TCF20: variants seen among roughly 807,000 people sequenced by gnomAD.
TCF20 encodes the protein SPRE-binding protein.
A neutral mutation model predicts 148.6 loss-of-function variants in TCF20; 3 were observed. The observed-to-expected ratio is 0.02, with a 90% confidence interval of 0.01 to 0.05. TCF20 has a LOEUF of 0.05. Ranked by LOEUF, TCF20 falls within the 10% of genes least tolerant of loss-of-function variation. TCF20 has a pLI of 1.00. For missense variants in TCF20, 2,350 were observed against 2,429.3 expected, an observed-to-expected ratio of 0.97 and a Z score of 0.69; for synonymous variants, 1,049 against 909.5, an observed-to-expected ratio of 1.15 and a Z score of -2.76.
chr22:42,190,561 C>T (rs919177430), intron 2 of TCF20, among the ~76,000 whole-genome samples: 3 of 152,106 alleles, frequency 2.0e-5, no homozygotes, highest in Non-Finnish European at 4.4e-5. Flanking sequence ...ATGGATGGTC[C>T]CTTGAAACTA....
chr22:42,238,979 G>GGGCA (rs1418616985), intron 1 of TCF20, among the ~76,000 whole-genome samples: 22 of 152,046 alleles, frequency 1.4e-4, no homozygotes, highest in Non-Finnish European at 2.9e-4. Context: ...TTAGCCAGGT[G>GGGCA]TGATGGCGGG....
intron 2 of TCF20, among the ~76,000 whole-genome samples, chr22:42,182,362 G>C (rs963551437): frequency 6.6e-6 from 1 of 152,218 alleles, no homozygotes; most frequent in Non-Finnish European, 1.5e-5. Flanking sequence ...TGGGTCAAAA[G>C]TGCTAAGTAA....
At chr22:42,200,683 A>G (rs187869132) in intron 2 of TCF20, among the ~76,000 whole-genome samples, 1 of 149,858 alleles carries the variant, frequency 6.7e-6, no homozygotes, top group Admixed American at 6.7e-5. Context: ...TTGAATCCCT[A>G]AAACGTTTCT....
intron 5 of TCF20, among the ~76,000 whole-genome samples, chr22:42,165,085 T>C (rs1056317233): frequency 6.6e-6 from 1 of 152,154 alleles, no homozygotes; most frequent in Admixed American, 6.5e-5. Flanking sequence ...GCGGGCACTA[T>C]AGCAGCCACA....
Position 42,213,427 on chromosome 22 carries a change from A to G in TCF20, c.1879T>C (p.Ser627Pro), listed in dbSNP as rs1466044386. 1.9e-6 allele frequency: 3 copies of G among 1,613,876 alleles called. No individual in the cohort carries two copies. The highest frequency in any genetic ancestry group is 2.7e-5 in the African/African-American group (2 of 74,906). Residue 627 changes from serine to proline, a missense_variant, in exon 2 of 6, where the codon TCC becomes CCC. By Grantham distance (74) the Ser-to-Pro change is moderately conservative. Transcript: ENST00000677622. ...GTGGCTGCAGGATCATCCTCTTGGG[A>G]GCCTTTATCTTGTCCACCAGGCTTT... ...VEKPGGQDKG[S>P]QEDDPAATQR...
In TCF20 at chr22:42,198,616, CAAG is replaced by C. The variant is rs554967061; in HGVS notation, c.5655+11032_5655+11034del. On this transcript the variant is annotated intron_variant, in intron 2 of 5. Coordinates refer to ENST00000677622, the MANE Select transcript of TCF20 (RefSeq NM_001378418.1). The stretch of plus-strand genomic sequence containing the variant: ...TACTTTCTCATTTAGAGAATAATGA[CAAG>C]AAGAAAAAAGTCTGTATATATTCAG... Among the ~76,000 whole-genome samples the C allele has an allele frequency of 1.5e-3, 219 of 149,740 alleles. 2 individuals carry two copies. Among genetic ancestry groups the C allele is most frequent in the East Asian group, 5.9e-4 (3 of 5,120 alleles).
chr22:42,192,676 C>A (rs1937394976), intron 2 of TCF20, among the ~76,000 whole-genome samples: 1 of 152,178 alleles, frequency 6.6e-6, no homozygotes, highest in Admixed American at 6.5e-5. Flanking sequence ...TAAGCCAGCC[C>A]CTGCCACCTC....
In TCF20 at chr22:42,210,081, G is replaced by A. The variant is rs755091932; in HGVS notation, c.5225C>T (p.Ala1742Val). The change falls in exon 2 of 6, where the codon GCC becomes GTC. Residue 1742 changes from alanine (A) to valine (V), a missense_variant. This residue lies in a region of TCF20 where 374 missense variants were observed against 398.3 expected (regional missense o/e 0.94). Transcript: ENST00000677622. This position sits in a 1 kb window ranked among gnomAD's most constrained non-coding sequence, Gnocchi z 4.7. ...TLPKNPPPKR[A>V]TEMQSKVKVR... ...CTTAACTTTGCTCTGCATTTCTGTG[G>A]CCCTCTTAGGAGGTGGATTCTTCGG... 6.2e-7 allele frequency: 1 copy of A among 1,613,834 alleles called. No individual in the cohort carries two copies. Among genetic ancestry groups the A allele is most frequent in the Non-Finnish European group, 8.5e-7 (1 of 1,180,028 alleles).
chr22:42,233,412 G>A (rs1923607437), intron 1 of TCF20, among the ~76,000 whole-genome samples: 3 of 152,160 alleles, frequency 2.0e-5, no homozygotes, highest in Admixed American at 2.0e-4. Context: ...GCAATGTTCT[G>A]TGTATTCCCA....
chr22:42,331,760 C>A lies in TCF20; in HGVS notation c.-37+11719G>T, dbSNP rs960812074. On this transcript the variant is annotated intron_variant, in intron 1 of 1. Transcript: ENST00000515426. ...CTTGTAGTCTATGGTCACTACCCTG[C>A]GCAGCTGGGCTGTAAGCCAGCCCAC... Among the ~76,000 whole-genome samples the A allele has an allele frequency of 2.0e-5, 3 of 152,254 alleles. No individual in the cohort carries two copies. The South Asian group carries it at 6.2e-4, about 31-fold the overall frequency.
chr22:42,282,871 A>G (rs1475038326), intron 1 of TCF20, among the ~76,000 whole-genome samples: 1 of 147,444 alleles, frequency 6.8e-6, no homozygotes, highest in Non-Finnish European at 1.5e-5. Flanking sequence ...AGCACACGCC[A>G]GATAGAAAAA....
chr22:42,288,971 G>A (rs1372871190), upstream of TCF20, among the ~76,000 whole-genome samples: 1 of 152,140 alleles, frequency 6.6e-6, no homozygotes, highest in South Asian at 2.1e-4. Context: ...TCTGCACCTC[G>A]GTTTCCTTGC....
chr22:42,273,834 C>T (rs1926708100), upstream of TCF20: 1 of 152,600 alleles, frequency 6.6e-6, no homozygotes, highest in African/African-American at 2.4e-5. Context: ...ACAAACTCCT[C>T]TGCCCTCCTC....
rs1246663340 is a variant in TCF20, at chr22:42,297,356, G to C, written c.-37+46123C>G. 6.6e-6 allele frequency among the ~76,000 whole-genome samples: 1 copy of C among 152,230 alleles called. No individual in the cohort carries two copies. Among genetic ancestry groups the C allele is most frequent in the Admixed American group, 6.5e-5 (1 of 15,284 alleles). The stretch of plus-strand genomic sequence containing the variant: ...GGCTTAAGGGTTGGTCATATTCATG[G>C]AGCGGCAAGAATGAGGAGTGGGTCC... On this transcript the variant is annotated intron_variant, in intron 1 of 1. Transcript: ENST00000515426. This position sits in a 1 kb window ranked among gnomAD's most constrained non-coding sequence, Gnocchi z 4.3.
Position 42,213,803 on chromosome 22 carries a change from A to G in TCF20, c.1503T>C (p.Ser501=). ...GTTCTTCAGGTTGTGAGGAGCCTTCAGAATTTGTGCAGCTATCTGCTTTCT... is the reference window on the plus strand; with the variant it reads ...GTTCTTCAGGTTGTGAGGAGCCTTCGGAATTTGTGCAGCTATCTGCTTTCT... The part of the protein sequence containing the change: ...SSKKADSCTN[S]EGSSQPEEQL... The change falls in exon 2 of 6, where the codon TCT becomes TCC. Residue 501 remains serine, a synonymous_variant. Transcript: ENST00000677622. 6.2e-7 allele frequency: 1 copy of G among 1,614,180 alleles called. No individual in the cohort carries two copies. The highest frequency in any genetic ancestry group is 8.5e-7 in the Non-Finnish European group (1 of 1,180,038).
Position 42,212,013 on chromosome 22 carries a change from T to C in TCF20, c.3293A>G (p.Lys1098Arg). The C allele has an allele frequency of 1.2e-6, 2 of 1,614,226 alleles. No individual in the cohort carries two copies. The highest frequency in any genetic ancestry group is 1.7e-6 in the Non-Finnish European group (2 of 1,180,046). ...QMYQQQPEEYKDWSSGSAQGV... is the reference protein window; with the variant it reads ...QMYQQQPEEYRDWSSGSAQGV... Reference sequence around the variant, plus strand: ...CTGAGCAGAACCGCTGCTCCAGTCTTTATACTCCTCTGGTTGCTGTTGGTA... The same window carrying C: ...CTGAGCAGAACCGCTGCTCCAGTCTCTATACTCCTCTGGTTGCTGTTGGTA... Residue 1098 changes from lysine to arginine, a missense_variant, in exon 2 of 6, where the codon AAA (lysine) becomes AGA (arginine). Lys to Arg is a conservative substitution (Grantham distance 26). This residue lies in a region of TCF20 where 1,641 missense variants were observed against 1,662.6 expected (regional missense o/e 0.99). Transcript: ENST00000677622.
At chr22:42,221,456 A>G (rs114645342) in intron 1 of TCF20, among the ~76,000 whole-genome samples, 2,307 of 152,282 alleles carry the variant, frequency 0.015, 52 homozygotes, top group African/African-American at 0.053. Flanking sequence ...ACCCTGACTG[A>G]TAAGAGTTCT....
intron 1 of TCF20, among the ~76,000 whole-genome samples, chr22:42,257,896 C>T (rs141988898): frequency 6.6e-6 from 1 of 152,342 alleles, no homozygotes; most frequent in East Asian, 1.9e-4. Flanking sequence ...TTTGATATAA[C>T]ACTTAGCACA....
intron 1 of TCF20, among the ~76,000 whole-genome samples, chr22:42,234,878 G>T (rs528641113): frequency 2.0e-5 from 3 of 152,076 alleles, no homozygotes; most frequent in African/African-American, 4.8e-5. Context: ...AGTGGCTCAC[G>T]CCTGTAAATC....
Sources: gnomAD v4.1 joint callset for allele counts (sites outside exome capture counted in the v4.1 genomes callset) on GRCh38, gnomAD v4.1.1 for gene constraint, gnomAD v4.1.1 regional missense constraint, Gnocchi (gnomAD v3.1) non-coding constraint, MANE v1.5 for transcripts, NCBI Gene and HGNC (gene_info 2026-07-23, HGNC 2026-07-21) for gene names.